TTC14: variants seen among roughly 807,000 people sequenced by gnomAD.
TTC14 encodes tetratricopeptide repeat domain 14, also known as tetratricopeptide repeat protein 14.
Under a neutral mutation model 79.9 loss-of-function variants are expected in TTC14, and 63 were observed. The observed-to-expected ratio is 0.79, with a 90% CI of 0.64 to 0.97. The LOEUF is 0.97. Among genes scored for constraint, TTC14 ranks in the 50% least tolerant of loss-of-function variants. The pLI is 0.00. For missense variants in TTC14, 895 were observed against 894.0 expected (o/e 1.00, Z -0.01); for synonymous variants, 335 against 309.6 (o/e 1.08, Z -0.86).
chr3:180,611,586 C>T (rs1195127721), downstream of TTC14, among the ~76,000 whole-genome samples: 1 of 152,144 alleles, frequency 6.6e-6, no homozygotes, highest in Non-Finnish European at 1.5e-5. Flanking sequence ...GCAGCTAGAG[C>T]TGAAGAACAA....
chr3:180,618,267 T>G (rs1009480555), downstream of TTC14, among the ~76,000 whole-genome samples: 1 of 152,186 alleles, frequency 6.6e-6, no homozygotes, highest in Non-Finnish European at 1.5e-5. Flanking sequence ...AAATTTTTTA[T>G]GTAATTCAAC....
In TTC14 at chr3:180,610,699, G is replaced by T; in HGVS notation, c.*157G>T. 2 of 1,372,136 alleles carry T rather than the reference G, an allele frequency of 1.5e-6. No homozygotes were observed. The highest frequency in any genetic ancestry group is 9.4e-7 in the Non-Finnish European group (1 of 1,066,414). The allele number at this position is 1,372,136 out of a possible 1,614,324, so 85.0% of individuals were successfully genotyped here. On this transcript the variant is annotated 3_prime_UTR_variant, in exon 12 of 12. Transcript: ENST00000296015. ...TTTAAGTAAGTTTTTCTCAAATTTT[G>T]TTTCAGTTCTAGGTCCCTTGTCACA... is the stretch of plus-strand genomic sequence containing the variant.
downstream of TTC14, among the ~76,000 whole-genome samples, chr3:180,615,468 G>A (rs1576928850): frequency 1.3e-5 from 2 of 151,802 alleles, no homozygotes; most frequent in South Asian, 2.2e-4. Context: ...CTGAAGAGAA[G>A]AGAGAAGCAT....
intron 10 of TTC14, chr3:180,607,974 A>T: frequency 7.7e-7 from 1 of 1,295,876 alleles, no homozygotes; most frequent in Non-Finnish European, 9.8e-7. Context: ...CTGTGAGAAA[A>T]CTATTACCTA....
In TTC14 at chr3:180,604,019, A is replaced by G. The variant is rs563039803; in HGVS notation, c.487-206A>G. ...GGTTCCTAAACTAATGGAAAGTTTC[A>G]TGAGATTTTAGTTTTTTAACTGAAC... On this transcript the variant is annotated intron_variant, in intron 3 of 11. Coordinates refer to ENST00000296015, the MANE Select transcript of TTC14 (RefSeq NM_133462.4). 1.2e-5 allele frequency: 7 copies of G among 572,126 alleles called. No homozygotes were observed. In the East Asian group the frequency reaches 1.8e-4, roughly 15 times the overall value. The allele number at this position is 572,126 out of a possible 1,614,324, so 35.4% of individuals were successfully genotyped here. A position where few individuals can be genotyped will look rare whatever the true frequency, so the allele number is the denominator to read the frequency against.
chr3:180,608,717 G>A lies in TTC14; in HGVS notation c.1307G>A (p.Arg436Lys). 1 of 1,535,536 alleles carries A rather than the reference G, an allele frequency of 6.5e-7. No individual in the cohort carries two copies. The highest frequency in any genetic ancestry group is 8.7e-7 in the Non-Finnish European group (1 of 1,145,836). The change falls in exon 11 of 12, where the codon AGA (arginine) becomes AAA (lysine). Residue 436 changes from arginine (R) to lysine (K), a missense_variant. By Grantham distance (26) the Arg-to-Lys change is conservative. Coordinates refer to ENST00000296015, the MANE Select transcript of TTC14 (RefSeq NM_133462.4). ...TTCTAAAAGAAATCTTTGGAATTAA[G>A]AGAAAAACAAGCTGAAAAGGAAGAA... Reference protein sequence around the residue: ...HKYMQKSLELREKQAEKEEKQ... With the variant: ...HKYMQKSLELKEKQAEKEEKQ...
At chr3:180,613,585 A>G (rs539647308), downstream of TTC14, among the ~76,000 whole-genome samples, 4 of 152,332 alleles carry the variant, frequency 2.6e-5, no homozygotes, top group East Asian at 1.9e-4. Flanking sequence ...TGTCTATAGT[A>G]CAAATGAGGA....
chr3:180,614,734 A>T (rs1040218655), downstream of TTC14: 2 of 520,622 alleles, frequency 3.8e-6, no homozygotes, highest in Admixed American at 3.9e-5. Context: ...ATCTGCTATT[A>T]ATTTCTTCAG....
At chr3:180,613,657 A>G (rs1192214569), downstream of TTC14, among the ~76,000 whole-genome samples, 1 of 152,216 alleles carries the variant, frequency 6.6e-6, no homozygotes, top group African/African-American at 2.4e-5. Flanking sequence ...ACCTTCATAG[A>G]AGAGTGTTTA....
At position 180,609,655 on chromosome 3, in the gene TTC14, ACTT is replaced by A. The variant is rs577090104; in HGVS notation, c.1434_1436del (p.Ser480del). On this transcript the variant is annotated inframe_deletion, in exon 12 of 12. Transcript: ENST00000296015. Reference sequence around the variant, plus strand: ...GCTAAAGAAGAAAAGAAGAAAATCAACTTCTTCTTCAAGTGTTTCTTCTGCTGA... The same window carrying A: ...GCTAAAGAAGAAAAGAAGAAAATCAACTTCTTCAAGTGTTTCTTCTGCTGA... 7.0e-4 allele frequency: 1,103 copies of A among 1,568,684 alleles called. 6 individuals carry two copies. The highest frequency in any genetic ancestry group is 1.0e-3 in the Middle Eastern group (6 of 5,812).
At chr3:180,609,423 G>C in intron 11 of TTC14, 1 of 1,259,904 alleles carries the variant, frequency 7.9e-7, no homozygotes, top group Non-Finnish European at 1.0e-6. Context: ...TGATGGATTT[G>C]CTTACAATGA....
At position 180,603,267 on chromosome 3, in the gene TTC14, G is replaced by T. The variant is rs1226087356; in HGVS notation, c.430G>T (p.Val144Leu). 1.2e-6 allele frequency: 2 copies of T among 1,614,082 alleles called. No individual in the cohort carries two copies. The highest frequency in any genetic ancestry group is 8.5e-7 in the Non-Finnish European group (1 of 1,180,000). Residue 144 changes from valine to leucine, a missense_variant, in exon 3 of 12, where the codon GTG becomes TTG. Val to Leu is a conservative substitution (Grantham distance 32). Coordinates refer to ENST00000296015, the MANE Select transcript of TTC14 (RefSeq NM_133462.4). ...SSIREFGFFM[V>L]LICLGSGIMR... The stretch of plus-strand genomic sequence containing the variant: ...TATTCGGGAATTCGGTTTTTTCATG[G>T]TGTTGATCTGTTTAGGAAGTGGTAT...
chr3:180,610,414 G>C lies in TTC14; in HGVS notation c.2185G>C (p.Glu729Gln), dbSNP rs778273323. Residue 729 changes from glutamate to glutamine, a missense_variant, in exon 12 of 12, where the codon GAA becomes CAA. Physicochemically the swap from Glu to Gln is conservative, Grantham distance 29 (BLOSUM62 2). Coordinates refer to ENST00000296015, the MANE Select transcript of TTC14 (RefSeq NM_133462.4). Reference sequence around the variant, plus strand: ...GGATATCAAAACAGAGGTTCCAGAAGAAGATGCACTAAGTAGCAAAGAACA... The same window carrying C: ...GGATATCAAAACAGAGGTTCCAGAACAAGATGCACTAAGTAGCAAAGAACA... Reference protein sequence around the residue: ...GEDIKTEVPEEDALSSKEHSE... With the variant: ...GEDIKTEVPEQDALSSKEHSE... 5 of 1,613,766 alleles carry C rather than the reference G, an allele frequency of 3.1e-6. No homozygotes were observed. Among genetic ancestry groups the C allele is most frequent in the South Asian group, 2.2e-5 (2 of 91,020 alleles).
Position 180,603,211 on chromosome 3 carries a change from G to T in TTC14, c.374G>T (p.Arg125Leu), listed in dbSNP as rs775044000. The T allele has an allele frequency of 6.2e-7, 1 of 1,614,066 alleles. No individual in the cohort carries two copies. Among genetic ancestry groups the T allele is most frequent in the Non-Finnish European group, 8.5e-7 (1 of 1,180,000 alleles). ...GAGCTGTTTTTCCGAGATATTGAGCGTGGTGATATAGTGATTGGAAGAATT... is the reference window on the plus strand; with the variant it reads ...GAGCTGTTTTTCCGAGATATTGAGCTTGGTGATATAGTGATTGGAAGAATT... ...RRELFFRDIERGDIVIGRISS... is the reference protein window; with the variant it reads ...RRELFFRDIELGDIVIGRISS... The change falls in exon 3 of 12, where the codon CGT becomes CTT. Residue 125 changes from arginine (R) to leucine (L), a missense_variant. Physicochemically the swap from Arg to Leu is moderately radical, Grantham distance 102. Transcript: ENST00000296015.
rs767501601 is a variant in TTC14, at chr3:180,602,371, C to T, written c.110C>T (p.Ser37Leu). Residue 37 changes from serine to leucine, a missense_variant, in exon 1 of 12, where the codon TCG (serine) becomes TTG (leucine). Coordinates refer to ENST00000296015, the MANE Select transcript of TTC14 (RefSeq NM_133462.4). Reference protein sequence around the residue: ...DNPHFRSLLGSAAEPARGPPP... With the variant: ...DNPHFRSLLGLAAEPARGPPP... ...CCACACTTCCGTAGCCTCCTGGGGT[C>T]GGCCGCCGAGCCAGCCCGGGGCCCG... is the stretch of plus-strand genomic sequence containing the variant. 9 of 1,611,094 alleles carry T rather than the reference C, an allele frequency of 5.6e-6. No individual in the cohort carries two copies. Among genetic ancestry groups the T allele is most frequent in the Admixed American group, 3.3e-5 (2 of 59,954 alleles).
At position 180,610,553 on chromosome 3, in the gene TTC14, A is replaced by G. The variant is rs1716948334; in HGVS notation, c.*11A>G. On this transcript the variant is annotated 3_prime_UTR_variant, in exon 12 of 12. Transcript: ENST00000296015. ...AAGTCAAAAAATTAATACACCAAGG[A>G]TATCGGCACCATTACACAAAATGCC... 2 of 1,546,580 alleles carry G rather than the reference A, an allele frequency of 1.3e-6. No homozygotes were observed. Among genetic ancestry groups the G allele is most frequent in the African/African-American group, 1.4e-5 (1 of 72,278 alleles).
intron 7 of TTC14, 80 bp downstream of exon 7, chr3:180,605,917 T>G (rs1576920248): frequency 7.1e-7 from 1 of 1,403,544 alleles, no homozygotes; most frequent in Non-Finnish European, 9.8e-7. Context: ...ATATCATCAA[T>G]AAGACAAATT....
intron 6 of TTC14, 36 bp downstream of exon 6, chr3:180,605,043 G>A (rs1456412962): frequency 6.4e-7 from 1 of 1,574,048 alleles, no homozygotes; most frequent in Non-Finnish European, 8.6e-7. Flanking sequence ...GATGGTGAGG[G>A]GAGTGGCAGT....
In TTC14 at chr3:180,604,057, T is replaced by G. The variant is rs1716533537; in HGVS notation, c.487-168T>G. On this transcript the variant is annotated intron_variant, in intron 3 of 11. Transcript: ENST00000296015. ...TTTTTAACTGAACCAGCAAACATAT[T>G]TTACTGTGTTTGGACACGGAAATTA... The G allele has an allele frequency of 1.9e-5, 12 of 647,210 alleles. No individual in the cohort carries two copies. In the Middle Eastern group the frequency reaches 3.2e-3, roughly 170 times the overall value. The allele number at this position is 647,210 out of a possible 1,614,324, so 40.1% of individuals were successfully genotyped here. A position where few individuals can be genotyped will look rare whatever the true frequency, so the allele number is the denominator to read the frequency against.
Sources: allele counts gnomAD v4.1 joint callset (sites outside exome capture counted in the v4.1 genomes callset), GRCh38; gene constraint gnomAD v4.1.1; transcripts MANE v1.5; gene names NCBI Gene and HGNC (gene_info 2026-07-23, HGNC 2026-07-21).